The following AXDND1 variants were observed in gnomAD, a reference collection of about 807,000 sequenced individuals.
AXDND1 encodes the protein axonemal dynein light chain domain containing 1.
A neutral mutation model predicts 137.5 loss-of-function variants in AXDND1; 110 were observed. The ratio of observed to expected loss-of-function variants is 0.80; its 90% CI spans 0.69 to 0.94. The LOEUF (loss-of-function observed/expected upper bound fraction) is 0.94. Among genes scored for constraint, AXDND1 ranks in the 40% least tolerant of loss-of-function variants. AXDND1 has a pLI of 0.00. For synonymous variants in AXDND1, 414 were observed against 399.7 expected, an observed-to-expected ratio of 1.04 and a Z score of -0.43; for missense variants, 1,191 against 1,169.8, an observed-to-expected ratio of 1.02 and a Z score of -0.26.
At chr1:179,520,530 A>G (rs1363714342) in intron 21 of AXDND1, among the ~76,000 whole-genome samples, 1 of 152,090 alleles carries the variant, frequency 6.6e-6, no homozygotes, top group Non-Finnish European at 1.5e-5. Context: ...CTCCTGCCTC[A>G]GCCTCCAGAG....
intron 17 of AXDND1, among the ~76,000 whole-genome samples, chr1:179,477,842 AT>A (rs990499923): frequency 6.6e-6 from 1 of 152,212 alleles, no homozygotes; most frequent in African/African-American, 2.4e-5. Flanking sequence ...AGCCTGTAAA[AT>A]CAAAAGCAAG....
intron 12 of AXDND1, among the ~76,000 whole-genome samples, chr1:179,412,094 T>C (rs1364902768): frequency 6.6e-6 from 1 of 152,112 alleles, no homozygotes; most frequent in Admixed American, 6.6e-5. Context: ...TAAATCATCC[T>C]CCTGCCTCAA....
intron 25 of AXDND1, among the ~76,000 whole-genome samples, chr1:179,548,069 C>A (rs1672809696): frequency 6.6e-6 from 1 of 152,048 alleles, no homozygotes; most frequent in African/African-American, 2.4e-5. Context: ...AACAGGAGAC[C>A]ATATGTGCAA....
chr1:179,471,947 T>C (rs975427389), intron 17 of AXDND1, among the ~76,000 whole-genome samples: 10 of 151,910 alleles, frequency 6.6e-5, no homozygotes, highest in African/African-American at 2.4e-4. Context: ...CAGACTGGAG[T>C]GCAGTGGCAT....
chr1:179,552,264 G>A (rs1015017580), intron 25 of AXDND1: 1 of 378,790 alleles, frequency 2.6e-6, no homozygotes, highest in South Asian at 2.3e-5. Context: ...ATACCTAGAA[G>A]TTAGAAGTTA....
chr1:179,377,478 C>G (rs12735254), intron 4 of AXDND1, among the ~76,000 whole-genome samples: 1 of 152,016 alleles, frequency 6.6e-6, no homozygotes, highest in Non-Finnish European at 1.5e-5. Flanking sequence ...GTTTTCTGTC[C>G]TGGAAGTCTT....
At chr1:179,433,508 T>C (rs1657689378) in intron 15 of AXDND1, among the ~76,000 whole-genome samples, 1 of 152,230 alleles carries the variant, frequency 6.6e-6, no homozygotes, top group Non-Finnish European at 1.5e-5. Context: ...TTTAGTGCTA[T>C]AAATTTCCAT....
chr1:179,511,340 C>CAT (rs1310852323), intron 21 of AXDND1, among the ~76,000 whole-genome samples: 1 of 149,512 alleles, frequency 6.7e-6, no homozygotes, highest in East Asian at 2.0e-4. Context: ...TATATATATA[C>CAT]ACACACTACC....
chr1:179,455,953 C>T, intron 16 of AXDND1: 2 of 172,892 alleles, frequency 1.2e-5, no homozygotes, highest in South Asian at 7.1e-5. Context: ...AGCATGGGTG[C>T]CAAAAAAAAA....
rs112048361 is a variant in AXDND1, at chr1:179,507,148, C to G, written c.2389-2148C>G. On this transcript the variant is annotated intron_variant, in intron 20 of 25. Transcript: ENST00000367618. ...TGAATTTTAGTCCTTTTACTTCACA[C>G]CAGAAGTCTTTATTAGAATCAATTA... Among the ~76,000 whole-genome samples the G allele has an allele frequency of 6.4e-3, 982 of 152,252 alleles. 14 individuals are homozygous for G. The highest frequency in any genetic ancestry group is 0.023 in the African/African-American group (946 of 41,532).
chr1:179,415,879 G>T (rs1025741194), intron 12 of AXDND1, among the ~76,000 whole-genome samples: 1 of 152,192 alleles, frequency 6.6e-6, no homozygotes, highest in African/African-American at 2.4e-5. Flanking sequence ...AGTTTGTAAA[G>T]ATCAAATATG....
chr1:179,402,094 C>T (rs1269430986), intron 11 of AXDND1, among the ~76,000 whole-genome samples: 1 of 151,464 alleles, frequency 6.6e-6, no homozygotes, highest in Non-Finnish European at 1.5e-5. Context: ...ATTGCTTGAA[C>T]CTGGGAGGCG....
At chr1:179,419,029 C>T (rs2125256442) in intron 12 of AXDND1, among the ~76,000 whole-genome samples, 1 of 151,808 alleles carries the variant, frequency 6.6e-6, no homozygotes, top group East Asian at 1.9e-4. Context: ...GGCGGCCGGA[C>T]AGAGACGCTC....
chr1:179,462,153 GC>G (rs1662422888), intron 16 of AXDND1, among the ~76,000 whole-genome samples: 1 of 152,110 alleles, frequency 6.6e-6, no homozygotes, highest in African/African-American at 2.4e-5. Flanking sequence ...TCCTGTTTTT[GC>G]CCATTCAGTA....
intron 21 of AXDND1, among the ~76,000 whole-genome samples, chr1:179,514,101 C>A (rs1310799868): frequency 6.6e-6 from 1 of 151,540 alleles, no homozygotes; most frequent in Non-Finnish European, 1.5e-5. Flanking sequence ...TATTTCCTTT[C>A]TTCTGCTGGG....
chr1:179,439,365 A>G (rs1184637301), intron 15 of AXDND1, among the ~76,000 whole-genome samples: 3 of 152,182 alleles, frequency 2.0e-5, no homozygotes, highest in African/African-American at 7.2e-5. Context: ...TGGCTGAGCG[A>G]TGTCTGTGTA....
intron 4 of AXDND1, among the ~76,000 whole-genome samples, chr1:179,377,609 A>G (rs892720449): frequency 6.6e-6 from 1 of 152,126 alleles, no homozygotes; most frequent in African/African-American, 2.4e-5. Flanking sequence ...ATTTTGTTTT[A>G]TTAAACTTCT....
At chr1:179,516,127 T>C (rs998396394) in intron 21 of AXDND1, among the ~76,000 whole-genome samples, 3 of 152,130 alleles carry the variant, frequency 2.0e-5, no homozygotes, top group African/African-American at 7.2e-5. Flanking sequence ...CCCAGACTTC[T>C]TGGAGGCTTT....
chr1:179,480,995 TA>T (rs68085063), intron 17 of AXDND1, among the ~76,000 whole-genome samples: 68,446 of 150,570 alleles, frequency 0.45, 16,461 homozygotes, highest in East Asian at 0.76. Context: ...TATATTTTTT[TA>T]ATTATACTTT....
Sources: allele counts gnomAD v4.1 joint callset (sites outside exome capture counted in the v4.1 genomes callset), GRCh38; gene constraint gnomAD v4.1.1; transcripts MANE v1.5; gene names NCBI Gene and HGNC (gene_info 2026-07-23, HGNC 2026-07-21).